JMY: variants seen among roughly 807,000 people sequenced by gnomAD.
The protein encoded by JMY is junction-mediating and -regulatory protein.
Under a neutral mutation model 103.3 loss-of-function variants are expected in JMY, and 46 were observed. The ratio of observed to expected loss-of-function variants is 0.45; its 90% CI spans 0.35 to 0.57. JMY has a LOEUF of 0.57. Among genes scored for constraint, JMY ranks in the 20% least tolerant of loss-of-function variants. The pLI is 0.00. For missense variants in JMY, 1,238 were observed against 1,255.2 expected (o/e 0.99, Z 0.21); for synonymous variants, 526 against 489.3 (o/e 1.07, Z -0.99).
chr5:79,322,471 T>G lies in JMY; in HGVS notation c.*869T>G, dbSNP rs1747486274. On this transcript the variant is annotated 3_prime_UTR_variant, in exon 11 of 11. Transcript: ENST00000396137. ...TCCTATTGAGAATCAAAAATCAAGA[T>G]TCAATCATAGGGATGCAGATCTTAA... 2 of 152,232 alleles carry G rather than the reference T, an allele frequency of 1.3e-5. No homozygotes were observed. The allele number at this position is 152,232 out of a possible 1,614,324, so 9.4% of individuals were successfully genotyped here.
At chr5:79,244,528 G>C (rs944944426) in intron 1 of JMY, among the ~76,000 whole-genome samples, 1 of 152,112 alleles carries the variant, frequency 6.6e-6, no homozygotes, top group African/African-American at 2.4e-5. Context: ...AATTTTAATC[G>C]ATCTGTTAAC....
intron 1 of JMY, among the ~76,000 whole-genome samples, chr5:79,257,519 C>T (rs1745284023): frequency 6.6e-6 from 1 of 152,142 alleles, no homozygotes; most frequent in African/African-American, 2.4e-5. Context: ...GGGAGGATCA[C>T]CTGAAACCAG....
rs1170685199 is a variant in JMY at position 79,300,659 on chromosome 5, T to C, written c.1694-17T>C. ...CCATATTCTTTACCACTACTCTTTTTTGCTGTTCTGTAACAGAAAAAAGAG... is the reference window on the plus strand; with the variant it reads ...CCATATTCTTTACCACTACTCTTTTCTGCTGTTCTGTAACAGAAAAAAGAG... On this transcript the variant is annotated splice_polypyrimidine_tract_variant and intron_variant, in intron 5 of 10. Transcript: ENST00000396137. 6.3e-7 allele frequency: 1 copy of C among 1,575,232 alleles called. No individual in the cohort carries two copies. The highest frequency in any genetic ancestry group is 2.3e-5 in the East Asian group (1 of 44,136).
intron 1 of JMY, among the ~76,000 whole-genome samples, chr5:79,255,052 T>C (rs367747156): frequency 1.2e-3 from 186 of 152,036 alleles, no homozygotes; most frequent in African/African-American, 4.2e-3. Flanking sequence ...CTCTGTGTTA[T>C]CTTGAAATTC....
intron 1 of JMY, among the ~76,000 whole-genome samples, chr5:79,272,408 C>G (rs1213209785): frequency 1.3e-5 from 2 of 151,898 alleles, no homozygotes; most frequent in Admixed American, 6.6e-5. Flanking sequence ...CTGTTTATAT[C>G]TTCTGTTTTG....
intron 4 of JMY, among the ~76,000 whole-genome samples, chr5:79,297,926 G>T (rs1276656773): frequency 1.3e-5 from 2 of 152,186 alleles, no homozygotes; most frequent in African/African-American, 4.8e-5. Flanking sequence ...TTGATATTGA[G>T]TGTGTGCTGG....
rs1378713119 is a variant in JMY at position 79,236,785 on chromosome 5, C to T, written c.135C>T (p.Thr45=). 1.6e-5 allele frequency: 24 copies of T among 1,511,590 alleles called. No individual in the cohort carries two copies. The highest frequency in any genetic ancestry group is 1.9e-5 in the Non-Finnish European group (21 of 1,128,476). 93.6% of individuals were successfully genotyped at this position (1,511,590 alleles called of 1,614,324 possible). A position where few individuals can be genotyped will look rare whatever the true frequency, so the allele number is the denominator to read the frequency against. Reference sequence around the variant, plus strand: ...AGATTGAGGGCAAGTTTGCCATAACCTGCCACAACCGGACGGCCCAGAGGC... The same window carrying T: ...AGATTGAGGGCAAGTTTGCCATAACTTGCCACAACCGGACGGCCCAGAGGC... ...WNEIEGKFAI[T]CHNRTAQRQR... is the part of the protein sequence containing the mutation. Residue 45 remains threonine (T), a synonymous_variant, in exon 1 of 11, where the codon ACC becomes ACT. Transcript: ENST00000396137.
In JMY at chr5:79,314,631, T is replaced by TCCCCCCCCCCCCCCCCCCC; in HGVS notation, c.2444_2445insCCCCCCCCCCCCCCCCCCC (p.Pro822ThrfsTer15). 2.7e-5 allele frequency: 26 copies of TCCCCCCCCCCCCCCCCCCC among 978,594 alleles called. No homozygotes were observed. The highest frequency in any genetic ancestry group is 7.8e-5 in the South Asian group (6 of 77,374). The allele number at this position is 978,594 out of a possible 1,614,324, so 60.6% of individuals were successfully genotyped here. A position where few individuals can be genotyped will look rare whatever the true frequency, so the allele number is the denominator to read the frequency against. On this transcript the variant is annotated frameshift_variant, in exon 9 of 11. Transcript: ENST00000396137. LOFTEE classifies it high-confidence loss of function. ...CCCCTCTTCCTCCAACACCACCACC[T>TCCCCCCCCCCCCCCCCCCC]CCCCCACCTCCTCCCCCTCCCCCAC... is the stretch of plus-strand genomic sequence containing the variant.
chr5:79,253,266 TA>T (rs1382277879), intron 1 of JMY, among the ~76,000 whole-genome samples: 10 of 152,164 alleles, frequency 6.6e-5, no homozygotes, highest in African/African-American at 2.4e-4. Context: ...GTAAGTTGTC[TA>T]ACCGTTATTT....
intron 4 of JMY, among the ~76,000 whole-genome samples, chr5:79,293,423 A>C (rs1378372519): frequency 3.3e-5 from 5 of 150,520 alleles, no homozygotes; most frequent in African/African-American, 1.2e-4. Flanking sequence ...TTTTTAAATT[A>C]ATTTAGTTAG....
intron 1 of JMY, among the ~76,000 whole-genome samples, chr5:79,242,671 G>T (rs1247673170): frequency 6.6e-6 from 1 of 152,108 alleles, no homozygotes; most frequent in African/African-American, 2.4e-5. Flanking sequence ...TGGCCTGTTG[G>T]GGTTCTTAAT....
At chr5:79,279,195 A>G (rs1241929103) in intron 2 of JMY, among the ~76,000 whole-genome samples, 1 of 152,078 alleles carries the variant, frequency 6.6e-6, no homozygotes, top group Non-Finnish European at 1.5e-5. Flanking sequence ...TTAGCTGAGC[A>G]TGGTAGTGCA....
chr5:79,286,417 A>G lies in JMY; in HGVS notation c.1207-3704A>G, dbSNP rs1049570420. On this transcript the variant is annotated intron_variant, in intron 2 of 10. Transcript: ENST00000396137. ...GCACTTCGAGAGGCCGAGGTGGGCA[A>G]ATCACCTGAGGTCAGGAGTTCAAGA... 7.2e-5 allele frequency among the ~76,000 whole-genome samples: 11 copies of G among 152,082 alleles called. No homozygotes were observed. In the East Asian group the frequency reaches 1.3e-3, roughly 19 times the overall value.
At chr5:79,304,630 G>T (rs376794839) in intron 6 of JMY, among the ~76,000 whole-genome samples, 2 of 152,040 alleles carry the variant, frequency 1.3e-5, no homozygotes, top group East Asian at 1.9e-4. Flanking sequence ...ACTTCATTTG[G>T]TGGCAAAACC....
At chr5:79,303,689 G>A (rs756993812) in intron 6 of JMY, among the ~76,000 whole-genome samples, 3 of 152,260 alleles carry the variant, frequency 2.0e-5, no homozygotes, top group Non-Finnish European at 2.9e-5. Context: ...AGGAGAGCTC[G>A]AAGTCATAGA....
At chr5:79,282,606 G>C (rs912972810) in intron 2 of JMY, among the ~76,000 whole-genome samples, 1 of 152,108 alleles carries the variant, frequency 6.6e-6, no homozygotes, top group African/African-American at 2.4e-5. Context: ...AGTAGGAAGT[G>C]GGTACGTTAC....
chr5:79,291,614 C>T (rs985383454), intron 4 of JMY, among the ~76,000 whole-genome samples: 2 of 152,194 alleles, frequency 1.3e-5, no homozygotes, highest in Admixed American at 6.5e-5. Context: ...AAGAAAGTAT[C>T]ACTGACCAGA....
intron 6 of JMY, among the ~76,000 whole-genome samples, chr5:79,303,947 A>G (rs1157882509): frequency 6.6e-6 from 1 of 152,010 alleles, no homozygotes; most frequent in Non-Finnish European, 1.5e-5. Context: ...GGTGAAGAGG[A>G]GCAACCTTGG....
intron 8 of JMY, among the ~76,000 whole-genome samples, chr5:79,313,714 A>G (rs1418737539): frequency 6.6e-6 from 1 of 152,228 alleles, no homozygotes; most frequent in East Asian, 1.9e-4. Flanking sequence ...TTTATTCACT[A>G]AAAATCTTTT....
Sources: allele counts gnomAD v4.1 joint callset (sites outside exome capture counted in the v4.1 genomes callset), GRCh38; gene constraint gnomAD v4.1.1; transcripts MANE v1.5; gene names NCBI Gene and HGNC (gene_info 2026-07-23, HGNC 2026-07-21).